PKNOX2: variants seen among roughly 807,000 people sequenced by gnomAD.
PKNOX2 encodes PBX/knotted 1 homeobox 2.
Under a neutral mutation model 53.1 loss-of-function variants are expected in PKNOX2, and 14 were observed. The ratio of observed to expected loss-of-function variants is 0.26; its 90% CI spans 0.17 to 0.41. PKNOX2 has a LOEUF of 0.41. Ranked by LOEUF, PKNOX2 falls within the 10% of genes least tolerant of loss-of-function variation. The pLI is 1.00. For synonymous variants in PKNOX2, 257 were observed against 242.8 expected, an observed-to-expected ratio of 1.06 and a Z score of -0.54; for missense variants, 496 against 602.8, an observed-to-expected ratio of 0.82 and a Z score of 1.85.
At position 125,410,175 on chromosome 11, in the gene PKNOX2, C is replaced by T. The variant is rs759813211; in HGVS notation, c.589-21C>T. 6 of 1,612,766 alleles carry T rather than the reference C, an allele frequency of 3.7e-6. No individual in the cohort carries two copies. In the South Asian group the frequency reaches 6.6e-5, roughly 18 times the overall value. ...AAGCTCTCAGTGTCATTGTCACAAACCACGCCTCCCTCACTGCCAGGACCT... is the reference window on the plus strand; with the variant it reads ...AAGCTCTCAGTGTCATTGTCACAAATCACGCCTCCCTCACTGCCAGGACCT... On this transcript the variant is annotated intron_variant, in intron 7 of 12. Transcript: ENST00000298282.
intron 2 of PKNOX2, among the ~76,000 whole-genome samples, chr11:125,278,279 T>C (rs1946317859): frequency 6.6e-6 from 1 of 150,788 alleles, no homozygotes. Flanking sequence ...CTCCCACTTC[T>C]GAAGTATATG....
rs142963743 is a variant in PKNOX2 at position 125,200,692 on chromosome 11, G to A, written c.-200-34353G>A. ...TGCACCAAGGCCACCACAGTCTGCA[G>A]TCACGTATGTATTTATGTGATGTGG... On this transcript the variant is annotated intron_variant, in intron 1 of 12. Coordinates refer to ENST00000298282, the MANE Select transcript of PKNOX2 (RefSeq NM_001382323.2). Among the ~76,000 whole-genome samples the A allele has an allele frequency of 7.3e-3, 1,110 of 152,318 alleles. 12 individuals carry two copies. Among genetic ancestry groups the A allele is most frequent in the African/African-American group, 0.025 (1,031 of 41,568 alleles).
chr11:125,278,799 T>C (rs1946355983), intron 2 of PKNOX2, among the ~76,000 whole-genome samples: 1 of 152,224 alleles, frequency 6.6e-6, no homozygotes, highest in Non-Finnish European at 1.5e-5. Context: ...CCAGCTCTTA[T>C]TTTTCAGATG....
At chr11:125,193,899 A>AT (rs1957022840) in intron 1 of PKNOX2, among the ~76,000 whole-genome samples, 1 of 152,080 alleles carries the variant, frequency 6.6e-6, no homozygotes, top group Admixed American at 6.5e-5. Context: ...CAGTTTCCCC[A>AT]TTTTCAGGAT....
intron 1 of PKNOX2, among the ~76,000 whole-genome samples, chr11:125,195,630 C>T (rs10893348): frequency 0.39 from 59,040 of 150,888 alleles, 11,710 homozygotes; most frequent in East Asian, 0.47. Context: ...ACCCTGAAGA[C>T]TCGGTGAGCT....
chr11:125,345,520 G>C (rs771487428), intron 3 of PKNOX2, among the ~76,000 whole-genome samples: 1 of 152,136 alleles, frequency 6.6e-6, no homozygotes, highest in Non-Finnish European at 1.5e-5. Flanking sequence ...GTTTTGCAGA[G>C]AGACCTGGTG....
intron 5 of PKNOX2, among the ~76,000 whole-genome samples, chr11:125,372,697 G>A (rs186817975): frequency 1.2e-3 from 189 of 152,272 alleles, no homozygotes; most frequent in Admixed American, 1.8e-3. Context: ...GTCTATCAGC[G>A]AATGATCTCC....
intron 5 of PKNOX2, among the ~76,000 whole-genome samples, chr11:125,379,100 GCC>G (rs1400361207): frequency 7.2e-6 from 1 of 138,840 alleles, no homozygotes; most frequent in Non-Finnish European, 1.5e-5. Flanking sequence ...TCAATCTGTC[GCC>G]CAGGCTGGAG....
At chr11:125,305,507 T>G (rs1354600442) in intron 2 of PKNOX2, among the ~76,000 whole-genome samples, 1 of 152,146 alleles carries the variant, frequency 6.6e-6, no homozygotes, top group Non-Finnish European at 1.5e-5. Context: ...GCACTTGCAG[T>G]CTAGACAGTG....
intron 5 of PKNOX2, among the ~76,000 whole-genome samples, chr11:125,375,100 G>A (rs1002209107): frequency 2.0e-5 from 3 of 152,162 alleles, no homozygotes; most frequent in Non-Finnish European, 4.4e-5. Context: ...ATGGTTGAGT[G>A]GGAAGAACCT....
chr11:125,279,113 C>T (rs960010323), intron 2 of PKNOX2, among the ~76,000 whole-genome samples: 1 of 152,240 alleles, frequency 6.6e-6, no homozygotes, highest in Non-Finnish European at 1.5e-5. Flanking sequence ...TCCCTGTCAT[C>T]CCTGTGGCAC....
chr11:125,359,181 A>C (rs1951790097), intron 4 of PKNOX2, among the ~76,000 whole-genome samples: 1 of 143,414 alleles, frequency 7.0e-6, no homozygotes, highest in Non-Finnish European at 1.5e-5. Context: ...AACCAAGGGT[A>C]GGTGTGAGGC....
At chr11:125,192,673 G>GGA (rs1956950807) in intron 1 of PKNOX2, among the ~76,000 whole-genome samples, 5 of 152,192 alleles carry the variant, frequency 3.3e-5, no homozygotes, top group Admixed American at 3.3e-4. Context: ...GCCCTGGAAG[G>GGA]GAGGTGTTTG....
At chr11:125,415,263 G>A (rs556508649) in intron 10 of PKNOX2, among the ~76,000 whole-genome samples, 14 of 146,246 alleles carry the variant, frequency 9.6e-5, no homozygotes, top group Non-Finnish European at 1.6e-4. Flanking sequence ...TTTTGGTGGC[G>A]GGGTACAGTC....
intron 7 of PKNOX2, among the ~76,000 whole-genome samples, chr11:125,407,826 A>G (rs550811946): frequency 6.6e-6 from 1 of 152,312 alleles, no homozygotes; most frequent in East Asian, 1.9e-4. Context: ...ACACACCATG[A>G]GAATGGTAGG....
intron 2 of PKNOX2, among the ~76,000 whole-genome samples, chr11:125,297,399 C>G (rs1039527020): frequency 6.6e-6 from 1 of 152,156 alleles, no homozygotes; most frequent in Non-Finnish European, 1.5e-5. Context: ...TTCTTGATCT[C>G]CAGTCTAGTG....
At chr11:125,242,457 C>T (rs1943234434) in intron 2 of PKNOX2, among the ~76,000 whole-genome samples, 1 of 152,172 alleles carries the variant, frequency 6.6e-6, no homozygotes, top group Admixed American at 6.5e-5. Flanking sequence ...TTCTAGGATG[C>T]CTGCATGTAC....
rs377342245 is a variant in PKNOX2, at chr11:125,398,035, C to T, written c.561C>T (p.Asn187=). The T allele has an allele frequency of 1.1e-5, 18 of 1,612,670 alleles. No homozygotes were observed. The African/African-American group carries it at 2.3e-4, about 20-fold the overall frequency. ...ATCTAGGGGGGCCCTACTCCCCCAA[C>T]CAGCCCTCCATCAACCTTCACTCAC... ...RNDLGGPYSP[N]QPSINLHSQD... is the part of the protein sequence containing the mutation. The change falls in exon 7 of 13, where the codon AAC becomes AAT. Residue 187 remains asparagine (N), a synonymous_variant. Transcript: ENST00000298282.
At chr11:125,373,309 A>G (rs1952651438) in intron 5 of PKNOX2, among the ~76,000 whole-genome samples, 1 of 152,252 alleles carries the variant, frequency 6.6e-6, no homozygotes, top group Non-Finnish European at 1.5e-5. Context: ...TTTTAAACAG[A>G]GGAGCCAGCA....
Sources: gnomAD v4.1 joint callset for allele counts (sites outside exome capture counted in the v4.1 genomes callset) on GRCh38, gnomAD v4.1.1 for gene constraint, MANE v1.5 for transcripts, NCBI Gene and HGNC (gene_info 2026-07-23, HGNC 2026-07-21) for gene names.